Variants in BIRC6 observed in about 807,000 individuals in gnomAD.
The protein encoded by BIRC6 is baculoviral IAP repeat containing 6.
In BIRC6, 98 loss-of-function variants were observed where a neutral mutation model predicts 503.3. The ratio of observed to expected loss-of-function variants is 0.19; its 90% CI spans 0.17 to 0.23. The LOEUF (loss-of-function observed/expected upper bound fraction) is 0.23. Among genes scored for constraint, BIRC6 ranks in the 10% least tolerant of loss-of-function variants. The pLI, the probability that BIRC6 is intolerant of heterozygous loss-of-function variation, is 1.00. For missense variants in BIRC6, 5,360 were observed against 5,806.0 expected (o/e 0.92, Z 2.50); for synonymous variants, 2,240 against 2,078.7 (o/e 1.08, Z -2.11).
intron 46 of BIRC6, 34 bp downstream of exon 46, chr2:32,500,143 T>TTGAA: frequency 6.6e-7 from 1 of 1,519,008 alleles, no homozygotes; most frequent in Non-Finnish European, 8.9e-7. Flanking sequence ...TACCATTGTC[T>TTGAA]CTGATACTAT....
At chr2:32,521,338 C>T (rs1242686593) in intron 57 of BIRC6, among the ~76,000 whole-genome samples, 2 of 96,892 alleles carry the variant, frequency 2.1e-5, no homozygotes, top group Non-Finnish European at 3.9e-5. Context: ...TTCCAGACCA[C>T]CTGGGCAACA....
At position 32,487,687 on chromosome 2, in the gene BIRC6, G is replaced by A. The variant is rs1249104642; in HGVS notation, c.7854G>A (p.Gly2618=). The A allele has an allele frequency of 6.2e-7, 1 of 1,613,474 alleles. No homozygotes were observed. The highest frequency in any genetic ancestry group is 8.5e-7 in the Non-Finnish European group (1 of 1,179,730). The change falls in exon 41 of 74, where the codon GGG becomes GGA. Residue 2618 remains glycine, a synonymous_variant. Coordinates refer to ENST00000421745, the MANE Select transcript of BIRC6 (RefSeq NM_016252.4). ...SPTGTDDSLL[G]GLQAANQTSQ... ...CTGGAACAGATGATTCACTTCTAGG[G>A]GGTTTACAAGCAGCAAACCAAACCA...
chr2:32,483,105 A>G (rs947510236), intron 39 of BIRC6, among the ~76,000 whole-genome samples: 2 of 224 alleles, frequency 8.9e-3, no homozygotes, highest in African/African-American at 0.02. Flanking sequence ...TTTAGTAGAG[A>G]CAGGTTTCAC....
intron 65 of BIRC6, chr2:32,574,724 A>G (rs562796028): frequency 4.4e-6 from 1 of 227,280 alleles, no homozygotes; most frequent in East Asian, 1.1e-4. Flanking sequence ...GGACTAGTGC[A>G]GTTCAAACCT....
In BIRC6 at chr2:32,491,505, G is replaced by C. The variant is rs1369228209; in HGVS notation, c.8287G>C (p.Val2763Leu). The C allele has an allele frequency of 1.2e-6, 2 of 1,613,458 alleles. No individual in the cohort carries two copies. The highest frequency in any genetic ancestry group is 1.7e-6 in the Non-Finnish European group (2 of 1,179,650). ...AGATCCAAACCTAATTCATGTATTA[G>C]TGAAATTTCTTTCTGGCACCAGTCC... is the stretch of plus-strand genomic sequence containing the variant. Reference protein sequence around the residue: ...VSDPNLIHVLVKFLSGTSPHG... With the variant: ...VSDPNLIHVLLKFLSGTSPHG... The change falls in exon 44 of 74, where the codon GTG (valine) becomes CTG (leucine). Residue 2763 changes from valine to leucine, a missense_variant. By Grantham distance (32) the Val-to-Leu change is conservative. Around this residue, in one of 16 missense-constraint regions of BIRC6, gnomAD observed 2,299 missense variants for 2,267.2 expected, o/e 1.01. Transcript: ENST00000421745.
At position 32,415,067 on chromosome 2, in the gene BIRC6, T is replaced by G. The variant is rs369860835; in HGVS notation, c.1776T>G (p.Asp592Glu). 222 of 1,613,826 alleles carry G rather than the reference T, an allele frequency of 1.4e-4. No homozygotes were observed. The highest frequency in any genetic ancestry group is 1.8e-4 in the Non-Finnish European group (213 of 1,179,872). The change falls in exon 10 of 74, where the codon GAT (aspartate) becomes GAG (glutamate). Residue 592 changes from aspartate (D) to glutamate (E), a missense_variant. Around this residue, in one of 16 missense-constraint regions of BIRC6, gnomAD observed 700 missense variants for 739.3 expected, o/e 0.95. Coordinates refer to ENST00000421745, the MANE Select transcript of BIRC6 (RefSeq NM_016252.4). ...PISSNSHRSL[D>E]GLSRTQGESI... Reference sequence around the variant, plus strand: ...GTAGTAATTCTCACAGGTCACTGGATGGTTTAAGCAGAACTCAGGGTGAAA... The same window carrying G: ...GTAGTAATTCTCACAGGTCACTGGAGGGTTTAAGCAGAACTCAGGGTGAAA...
chr2:32,396,314 A>C (rs1307663810), intron 6 of BIRC6, among the ~76,000 whole-genome samples: 1 of 152,202 alleles, frequency 6.6e-6, no homozygotes, highest in Admixed American at 6.5e-5. Flanking sequence ...TTTAAAATGA[A>C]GAGAATAAAA....
intron 72 of BIRC6, among the ~76,000 whole-genome samples, chr2:32,609,285 C>CTGTGTG (rs58379253): frequency 0.011 from 1,617 of 147,610 alleles, 17 homozygotes; most frequent in South Asian, 0.024. Flanking sequence ...AAGTGTGGCT[C>CTGTGTG]TGTGTGTGTG....
chr2:32,528,437 T>TG (rs1214685788), intron 59 of BIRC6: 11 of 152,286 alleles, frequency 7.2e-5, no homozygotes, highest in Admixed American at 5.2e-4. Context: ...TTGACCAGGC[T>TG]GGTCTTGATC....
chr2:32,545,470 T>C (rs1463842508), intron 62 of BIRC6, among the ~76,000 whole-genome samples, 173 bp from the exon 63 acceptor site: 2 of 152,244 alleles, frequency 1.3e-5, no homozygotes, highest in East Asian at 1.9e-4. Context: ...CTGATACTTA[T>C]TCGTTATTAA....
At chr2:32,606,444 T>A (rs1453025077) in intron 71 of BIRC6, among the ~76,000 whole-genome samples, 1 of 150,962 alleles carries the variant, frequency 6.6e-6, no homozygotes, top group African/African-American at 2.4e-5. Flanking sequence ...AAAAAAAAAA[T>A]TAGCCCTGCT....
chr2:32,362,473 ACCCGG>A (rs2034266421), intron 1 of BIRC6, among the ~76,000 whole-genome samples: 1 of 151,196 alleles, frequency 6.6e-6, no homozygotes, highest in Non-Finnish European at 1.5e-5. Context: ...CCCCCACCAG[ACCCGG>A]CTAATTTTTT....
At chr2:32,591,691 A>G (rs2061390186) in intron 66 of BIRC6, among the ~76,000 whole-genome samples, 1 of 152,220 alleles carries the variant, frequency 6.6e-6, no homozygotes, top group Admixed American at 6.5e-5. Context: ...ACAGTGGGTT[A>G]ACTCATTGAT....
chr2:32,554,848 A>G (rs1382643044), intron 65 of BIRC6, among the ~76,000 whole-genome samples: 1 of 152,074 alleles, frequency 6.6e-6, no homozygotes, highest in African/African-American at 2.4e-5. Context: ...TGTTGTCACG[A>G]CAAATATCTT....
In BIRC6 at chr2:32,543,386, C is replaced by T. The variant is rs1253054846; in HGVS notation, c.12437C>T (p.Ala4146Val). Residue 4146 changes from alanine to valine, a missense_variant, in exon 62 of 74, where the codon GCA becomes GTA. Physicochemically the swap from Ala to Val is moderately conservative, Grantham distance 64. Transcript: ENST00000421745. ...VAAEPPPIKS[A>V]VQTMSPIPAH... ...GCTGAACCTCCACCTATCAAGTCAG[C>T]AGTACAGACCATGTCTCCCATACCT... is the stretch of plus-strand genomic sequence containing the variant. 2 of 1,614,006 alleles carry T rather than the reference C, an allele frequency of 1.2e-6. No individual in the cohort carries two copies. Among genetic ancestry groups the T allele is most frequent in the Admixed American group, 1.7e-5 (1 of 60,020 alleles).
rs940365630 is a variant in BIRC6, at chr2:32,476,290, A to T, written c.6798A>T (p.Gly2266=). 2 of 1,569,176 alleles carry T rather than the reference A, an allele frequency of 1.3e-6. No homozygotes were observed. The highest frequency in any genetic ancestry group is 8.7e-7 in the Non-Finnish European group (1 of 1,155,576). ...MEKEKIQSNK[G]SSYKLLVEQA... is the part of the protein sequence containing the mutation. ...AAGAAAAAATACAAAGTAACAAAGG[A>T]TCATCATATAAACTCCTGGTAGAAC... The change falls in exon 34 of 74, where the codon GGA becomes GGT. Residue 2266 remains glycine (G), a synonymous_variant. Transcript: ENST00000421745.
intron 19 of BIRC6, 168 bp from the exon 20 acceptor site, chr2:32,443,323 A>G: frequency 1.8e-6 from 1 of 557,868 alleles, no homozygotes. Context: ...CCTCCTTAGT[A>G]TAATCAGTTC....
chr2:32,367,046 A>G (rs2035042679), intron 1 of BIRC6, among the ~76,000 whole-genome samples: 1 of 152,230 alleles, frequency 6.6e-6, no homozygotes, highest in African/African-American at 2.4e-5. Context: ...GGGATACAAA[A>G]AAGTTAAGAT....
intron 66 of BIRC6, among the ~76,000 whole-genome samples, chr2:32,593,365 A>C (rs1287598742): frequency 2.0e-5 from 3 of 152,214 alleles, no homozygotes; most frequent in Admixed American, 6.5e-5. Context: ...AATTGGGTAC[A>C]TTTTAGATCC....
Sources: allele counts gnomAD v4.1 joint callset (sites outside exome capture counted in the v4.1 genomes callset), GRCh38; gene constraint gnomAD v4.1.1; regional missense constraint gnomAD v4.1.1; transcripts MANE v1.5; gene names NCBI Gene and HGNC (gene_info 2026-07-23, HGNC 2026-07-21).